Variants in MCC observed in about 807,000 individuals in gnomAD.
MCC encodes MCC regulator of Wnt signaling pathway, also known as colorectal mutant cancer protein.
Under a neutral mutation model 116.2 loss-of-function variants are expected in MCC, and 90 were observed. The ratio of observed to expected loss-of-function variants is 0.77; its 90% CI spans 0.65 to 0.92. MCC has a LOEUF of 0.92. Ranked by LOEUF, MCC falls within the 40% of genes least tolerant of loss-of-function variation. The pLI is 0.00. For missense variants in MCC, 1,516 were observed against 1,312.2 expected (o/e 1.16, Z -2.40); for synonymous variants, 578 against 510.5 (o/e 1.13, Z -1.78).
chr5:113,312,270 CTG>C (rs1220104639), intron 3 of MCC, among the ~76,000 whole-genome samples: 1 of 151,550 alleles, frequency 6.6e-6, no homozygotes, highest in Non-Finnish European at 1.5e-5. Flanking sequence ...AAGCAGAACT[CTG>C]TCTGAAAAAA....
intron 17 of MCC, among the ~76,000 whole-genome samples, chr5:113,041,181 G>A (rs1751683972): frequency 6.6e-6 from 1 of 152,166 alleles, no homozygotes; most frequent in Non-Finnish European, 1.5e-5. Flanking sequence ...CAATAAATCA[G>A]GAAGGTAGTG....
chr5:113,438,977 T>C (rs1330516820), intron 1 of MCC, among the ~76,000 whole-genome samples: 1 of 152,190 alleles, frequency 6.6e-6, no homozygotes, highest in Non-Finnish European at 1.5e-5. Context: ...CAGGATCCCC[T>C]GGCTGGGAGG....
At chr5:113,482,261 C>G (rs963142147) in intron 1 of MCC, among the ~76,000 whole-genome samples, 2 of 152,142 alleles carry the variant, frequency 1.3e-5, no homozygotes, top group African/African-American at 4.8e-5. Flanking sequence ...TTCAGTTCTC[C>G]TAGCTGTATA....
intron 13 of MCC, among the ~76,000 whole-genome samples, chr5:113,067,642 AAAC>A (rs1305110128): frequency 6.6e-6 from 1 of 152,228 alleles, no homozygotes; most frequent in East Asian, 1.9e-4. Flanking sequence ...ATCTCAAAAC[AAAC>A]AAACAAAAAA....
rs756420974 is a variant in MCC, at chr5:113,027,191, C to T, written c.*111G>A. ...CTCCATTGTCCAAGTGCCGACCTAC[C>T]TGCCAGCCTTCCCTTTCCTCCTCCT... On this transcript the variant is annotated 3_prime_UTR_variant, in exon 19 of 19. Transcript: ENST00000408903. 8.5e-7 allele frequency: 1 copy of T among 1,179,598 alleles called. No homozygotes were observed. The highest frequency in any genetic ancestry group is 1.2e-6 in the Non-Finnish European group (1 of 844,506). 73.1% of individuals were successfully genotyped at this position (1,179,598 alleles called of 1,614,324 possible). A position where few individuals can be genotyped will look rare whatever the true frequency, so the allele number is the denominator to read the frequency against.
At chr5:113,150,378 C>G (rs188266023) in intron 4 of MCC, among the ~76,000 whole-genome samples, 1 of 152,202 alleles carries the variant, frequency 6.6e-6, no homozygotes, top group African/African-American at 2.4e-5. Flanking sequence ...AAGGGCAGAA[C>G]ATCCTTATAA....
intron 3 of MCC, among the ~76,000 whole-genome samples, chr5:113,157,874 C>T (rs928383849): frequency 6.6e-6 from 1 of 152,152 alleles, no homozygotes; most frequent in Non-Finnish European, 1.5e-5. Context: ...ATAGAACAGA[C>T]CAATTATTAA....
chr5:113,049,101 G>GT lies in MCC; in HGVS notation c.2646dup (p.Pro883ThrfsTer7). 6.2e-7 allele frequency: 1 copy of GT among 1,614,170 alleles called. No individual in the cohort carries two copies. Among genetic ancestry groups the GT allele is most frequent in the Non-Finnish European group, 8.5e-7 (1 of 1,180,024 alleles). On this transcript the variant is annotated frameshift_variant, in exon 16 of 19. Coordinates refer to ENST00000408903, the MANE Select transcript of MCC (RefSeq NM_001085377.2). LOFTEE classifies it high-confidence loss of function. ...AGCCACTCCGGCCCTACCTTGCCAG[G>GT]TTTGTCTTTGCTGCCGCTGCTGGTG...
chr5:113,333,865 ATATG>A (rs1249518195), intron 3 of MCC, among the ~76,000 whole-genome samples: 1 of 138,450 alleles, frequency 7.2e-6, no homozygotes, highest in African/African-American at 2.8e-5. Flanking sequence ...ATATATGTAT[ATATG>A]TATTCACATA....
chr5:113,369,603 G>C (rs1768790055), intron 2 of MCC, among the ~76,000 whole-genome samples: 2 of 152,090 alleles, frequency 1.3e-5, no homozygotes, highest in Admixed American at 1.3e-4. Flanking sequence ...TTATTTTAGA[G>C]GAATTCTTCA....
At chr5:113,247,755 G>A (rs1764631186) in intron 3 of MCC, among the ~76,000 whole-genome samples, 1 of 152,148 alleles carries the variant, frequency 6.6e-6, no homozygotes, top group South Asian at 2.1e-4. Context: ...ACTGGATGTG[G>A]AGCAATCAAG....
chr5:113,384,735 T>C (rs1008672255), intron 2 of MCC, among the ~76,000 whole-genome samples: 9 of 152,254 alleles, frequency 5.9e-5, no homozygotes, highest in Non-Finnish European at 1.3e-4. Flanking sequence ...TGCATTATTA[T>C]ACTTAGAAAA....
intron 3 of MCC, among the ~76,000 whole-genome samples, chr5:113,198,349 T>C (rs918239109): frequency 6.6e-6 from 1 of 152,240 alleles, no homozygotes; most frequent in South Asian, 2.1e-4. Flanking sequence ...GGATAACTTA[T>C]GTATTTCAAG....
chr5:113,212,070 C>T (rs898258393), intron 3 of MCC, among the ~76,000 whole-genome samples: 1 of 152,160 alleles, frequency 6.6e-6, no homozygotes, highest in African/African-American at 2.4e-5. Flanking sequence ...GTATTTGCAG[C>T]TTAGTCAAGG....
intron 6 of MCC, among the ~76,000 whole-genome samples, chr5:113,112,323 G>C (rs542408419): frequency 6.6e-6 from 1 of 152,162 alleles, no homozygotes; most frequent in African/African-American, 2.4e-5. Flanking sequence ...TTGTTGGGAG[G>C]TGACTGGATC....
At chr5:113,163,482 C>G (rs1431557475) in intron 3 of MCC, among the ~76,000 whole-genome samples, 1 of 145,974 alleles carries the variant, frequency 6.9e-6, no homozygotes, top group African/African-American at 2.6e-5. Context: ...TCTCCCCCAT[C>G]CACTTTCTCT....
chr5:113,094,874 A>T (rs1398766309), intron 8 of MCC, among the ~76,000 whole-genome samples: 1 of 152,180 alleles, frequency 6.6e-6, no homozygotes, highest in Non-Finnish European at 1.5e-5. Flanking sequence ...GTTGCCTCAC[A>T]ATCTCCGTGG....
intron 11 of MCC, among the ~76,000 whole-genome samples, chr5:113,077,697 G>A (rs10478105): frequency 0.078 from 11,847 of 152,210 alleles, 517 homozygotes; most frequent in African/African-American, 0.084. Flanking sequence ...GCCTACAAGA[G>A]AAAGCAGGAA....
chr5:113,308,455 C>T (rs1767047804), intron 3 of MCC, among the ~76,000 whole-genome samples: 1 of 152,086 alleles, frequency 6.6e-6, no homozygotes, highest in Admixed American at 6.6e-5. Flanking sequence ...CAGAGAGTGC[C>T]CACTCCCTCC....
Sources: gnomAD v4.1 joint callset for allele counts (sites outside exome capture counted in the v4.1 genomes callset) on GRCh38, gnomAD v4.1.1 for gene constraint, MANE v1.5 for transcripts, NCBI Gene and HGNC (gene_info 2026-07-23, HGNC 2026-07-21) for gene names.